Variants in SOX6 observed in about 807,000 individuals in gnomAD.
The protein encoded by SOX6 is transcription factor SOX-6.
A neutral mutation model predicts 97.8 loss-of-function variants in SOX6; 11 were observed. That is an observed-to-expected ratio of 0.11 (90% CI 0.07 to 0.19). SOX6 has a LOEUF of 0.19. SOX6 is among the 10% of genes least tolerant of loss of function. SOX6 has a pLI of 1.00. For missense variants in SOX6, 810 were observed against 1,039.5 expected (o/e 0.78, Z 3.04); for synonymous variants, 360 against 371.4 (o/e 0.97, Z 0.35).
At chr11:16,603,179 G>A (rs1848291936) in intron 4 of SOX6, among the ~76,000 whole-genome samples, 1 of 152,190 alleles carries the variant, frequency 6.6e-6, no homozygotes, top group Non-Finnish European at 1.5e-5. Flanking sequence ...GGAGGAGGAA[G>A]ACTGATGCAA....
chr11:16,083,863 A>G (rs1848524407), intron 9 of SOX6, among the ~76,000 whole-genome samples: 1 of 152,184 alleles, frequency 6.6e-6, no homozygotes, highest in African/African-American at 2.4e-5. Context: ...GGTACCAGGA[A>G]GATTAATTTG....
intron 3 of SOX6, among the ~76,000 whole-genome samples, chr11:16,680,896 C>T (rs140981601): frequency 1.9e-3 from 286 of 152,308 alleles, no homozygotes; most frequent in African/African-American, 6.8e-3. Context: ...ATCAATTCAA[C>T]AAGTAGAGCT....
At chr11:16,690,396 T>C (rs1848003898) in intron 3 of SOX6, among the ~76,000 whole-genome samples, 1 of 152,224 alleles carries the variant, frequency 6.6e-6, no homozygotes, top group Admixed American at 6.5e-5. Context: ...ATCGGTTTTA[T>C]AGAACCCATT....
chr11:16,144,362 G>T (rs1183628684), intron 6 of SOX6, among the ~76,000 whole-genome samples: 1 of 152,114 alleles, frequency 6.6e-6, no homozygotes, highest in Admixed American at 6.5e-5. Flanking sequence ...GTGTGTAGAG[G>T]GAAATTTATA....
At chr11:16,716,654 T>C (rs1848221669) in intron 2 of SOX6, among the ~76,000 whole-genome samples, 1 of 152,054 alleles carries the variant, frequency 6.6e-6, no homozygotes, top group Non-Finnish European at 1.5e-5. Flanking sequence ...AGCAGCATCA[T>C]TCATAATAAG....
chr11:16,477,647 T>C (rs1193083843), upstream of SOX6, among the ~76,000 whole-genome samples: 2 of 152,132 alleles, frequency 1.3e-5, no homozygotes, highest in Non-Finnish European at 2.9e-5. Flanking sequence ...GTCCAGGAGT[T>C]CAAGACCAGC....
At chr11:16,058,927 T>C (rs999933997) in intron 9 of SOX6, among the ~76,000 whole-genome samples, 2 of 152,078 alleles carry the variant, frequency 1.3e-5, no homozygotes, top group African/African-American at 4.8e-5. Flanking sequence ...TCATCTTATG[T>C]CTATTTTCAA....
At chr11:16,059,221 C>T (rs1240108614) in intron 9 of SOX6, among the ~76,000 whole-genome samples, 1 of 152,006 alleles carries the variant, frequency 6.6e-6, no homozygotes. Flanking sequence ...TTGGGTAAAA[C>T]TGGCAATAAA....
At chr11:16,307,983 T>C (rs546624308) in intron 3 of SOX6, among the ~76,000 whole-genome samples, 1 of 152,308 alleles carries the variant, frequency 6.6e-6, no homozygotes, top group South Asian at 2.1e-4. Flanking sequence ...CTCTCAGTTC[T>C]AGGTACAGCT....
intron 2 of SOX6, among the ~76,000 whole-genome samples, chr11:16,340,620 C>T (rs1244246937): frequency 1.3e-5 from 2 of 152,030 alleles, no homozygotes; most frequent in Admixed American, 1.3e-4. Flanking sequence ...CAACATATGA[C>T]CTCATTCACA....
intron 1 of SOX6, among the ~76,000 whole-genome samples, chr11:16,384,693 C>T (rs1857925186): frequency 6.6e-6 from 1 of 151,964 alleles, no homozygotes; most frequent in African/African-American, 2.4e-5. Context: ...CACCTTTTTA[C>T]ATTCTAAAAT....
At chr11:16,094,696 G>T (rs1848757798) in intron 9 of SOX6, among the ~76,000 whole-genome samples, 1 of 151,894 alleles carries the variant, frequency 6.6e-6, no homozygotes, top group Non-Finnish European at 1.5e-5. Context: ...AGAATGCCCA[G>T]AAATGTGGTA....
At chr11:16,523,180 T>G (rs930430094) in intron 4 of SOX6, among the ~76,000 whole-genome samples, 4 of 80,822 alleles carry the variant, frequency 4.9e-5, no homozygotes, top group African/African-American at 2.1e-4. Context: ...GAATATACAT[T>G]TTTTTTCAGC....
chr11:16,718,567 T>C (rs770764195), intron 2 of SOX6, among the ~76,000 whole-genome samples: 20 of 152,206 alleles, frequency 1.3e-4, no homozygotes, highest in Non-Finnish European at 2.4e-4. Flanking sequence ...AATCAGTATG[T>C]ACATATTATC....
chr11:15,982,998 CA>C (rs1423060528), intron 15 of SOX6, among the ~76,000 whole-genome samples: 1 of 151,898 alleles, frequency 6.6e-6, no homozygotes, highest in Non-Finnish European at 1.5e-5. Context: ...ACACCACACT[CA>C]GAATTGGTAA....
intron 1 of SOX6, among the ~76,000 whole-genome samples, chr11:16,420,988 T>C (rs1859010051): frequency 6.6e-6 from 1 of 152,134 alleles, no homozygotes; most frequent in Non-Finnish European, 1.5e-5. Flanking sequence ...CCAAACTAGT[T>C]AGCAGATGTC....
At chr11:16,187,170 T>C (rs1012783195) in intron 4 of SOX6, among the ~76,000 whole-genome samples, 3 of 152,134 alleles carry the variant, frequency 2.0e-5, no homozygotes, top group African/African-American at 7.2e-5. Flanking sequence ...GAAAGTATTG[T>C]CACTGGTAAA....
chr11:16,137,234 G>A (rs966054879), intron 6 of SOX6, among the ~76,000 whole-genome samples: 6 of 152,036 alleles, frequency 3.9e-5, no homozygotes, highest in African/African-American at 9.7e-5. Context: ...TCAGGAGTTT[G>A]AAATCACCCT....
intron 1 of SOX6, among the ~76,000 whole-genome samples, chr11:16,403,822 C>T (rs1377334700): frequency 6.6e-6 from 1 of 151,114 alleles, no homozygotes; most frequent in African/African-American, 2.4e-5. Flanking sequence ...TTTTCCTTTC[C>T]CACTTTTGAA....
Sources: gnomAD v4.1 joint callset for allele counts (sites outside exome capture counted in the v4.1 genomes callset) on GRCh38, gnomAD v4.1.1 for gene constraint, MANE v1.5 for transcripts, NCBI Gene and HGNC (gene_info 2026-07-23, HGNC 2026-07-21) for gene names.